CDH16: variants seen among roughly 807,000 people sequenced by gnomAD.
The protein encoded by CDH16 is cadherin-16.
CDH16 carries 79 observed loss-of-function variants against 87.6 expected under a neutral mutation model. The ratio of observed to expected loss-of-function variants is 0.90; its 90% confidence interval spans 0.75 to 1.09. The LOEUF (loss-of-function observed/expected upper bound fraction) is 1.09. Among genes scored for constraint, CDH16 ranks in the 50% least tolerant of loss-of-function variants. The probability of loss-of-function intolerance (pLI) is 0.00; values close to 1 mark genes in which losing one functional copy is unlikely to be tolerated. For synonymous variants in CDH16, 457 were observed against 439.5 expected (o/e 1.04, Z -0.50); for missense variants, 1,124 against 1,071.7 (o/e 1.05, Z -0.68).
chr16:66,913,545 A>G lies in CDH16; in HGVS notation c.849T>C (p.Asn283=), dbSNP rs146486731. Residue 283 remains asparagine, a synonymous_variant, in exon 8 of 18, where the codon AAT becomes AAC. Transcript: ENST00000299752. Reference sequence around the variant, plus strand: ...TGGTCACGTAGAGGTTTCCCTCTGCATTCACTTCAAAGGGTCCCGGGGGAT... The same window carrying G: ...TGGTCACGTAGAGGTTTCCCTCTGCGTTCACTTCAAAGGGTCCCGGGGGAT... ...ESHPPGPFEV[N]AEGNLYVTRE... 1.9e-4 allele frequency: 306 copies of G among 1,614,076 alleles called. 1 individual carries two copies. The highest frequency in any genetic ancestry group is 8.3e-4 in the Middle Eastern group (5 of 6,060).
chr16:66,916,399 G>A lies in CDH16; in HGVS notation c.160C>T (p.Gln54Ter). 1 of 1,611,228 alleles carries A rather than the reference G, an allele frequency of 6.2e-7. No individual in the cohort carries two copies. Among genetic ancestry groups the A allele is most frequent in the African/African-American group, 1.3e-5 (1 of 74,994 alleles). ...CCTGAGTCCCCTGACAGCACGATCT[G>A]GCCTTCAGCCCCCTCACGGGGCAGC... ...LPLPREGAEG[Q>*]IVLSGDSGKA... Residue 54 changes from glutamine to a stop codon, truncating the protein, a stop_gained, in exon 4 of 18, where the codon CAG becomes TAG. Coordinates refer to ENST00000299752, the MANE Select transcript of CDH16 (RefSeq NM_004062.4). LOFTEE classifies it high-confidence loss of function. The surrounding 1 kb of genome is among the most constrained non-coding windows in gnomAD (Gnocchi z 4.1).
rs773157070 is a variant in CDH16, at chr16:66,912,045, G to A, written c.1644C>T (p.Thr548=). The A allele has an allele frequency of 2.0e-5, 33 of 1,613,976 alleles. No homozygotes were observed. The highest frequency in any genetic ancestry group is 6.6e-5 in the South Asian group (6 of 91,084). ...TCTCCACTAGCACAGTCACCGTGGC[G>A]GTGGCTCCAGGGCCTGGGCCTGGCC... The part of the protein sequence containing the change: ...LVGPGPGPGA[T]ATVTVLVERV... The change falls in exon 13 of 18, where the codon ACC becomes ACT. Residue 548 remains threonine (T), a synonymous_variant. Transcript: ENST00000299752.
At chr16:66,908,947 A>T (rs1015676651) in intron 17 of CDH16, among the ~76,000 whole-genome samples, 1 of 152,220 alleles carries the variant, frequency 6.6e-6, no homozygotes, top group Non-Finnish European at 1.5e-5. Flanking sequence ...ACCTTGGACC[A>T]GTCACTTAAC....
intron 2 of CDH16, 53 bp from the exon 3 acceptor site, chr16:66,917,778 T>G: frequency 6.8e-7 from 1 of 1,473,308 alleles, no homozygotes; most frequent in Non-Finnish European, 9.4e-7. Context: ...GCGTGGGCAC[T>G]GAGACCCAAC....
intron 5 of CDH16, among the ~76,000 whole-genome samples, chr16:66,915,657 C>G (rs566500627): frequency 2.0e-5 from 3 of 152,292 alleles, no homozygotes; most frequent in African/African-American, 7.2e-5. Context: ...CTTTGGGAGG[C>G]TGAGGCAGGC....
In CDH16 at chr16:66,913,556, A is replaced by G; in HGVS notation, c.838T>C (p.Phe280Leu). 1 of 1,614,052 alleles carries G rather than the reference A, an allele frequency of 6.2e-7. No homozygotes were observed. Among genetic ancestry groups the G allele is most frequent in the Non-Finnish European group, 8.5e-7 (1 of 1,179,990 alleles). Residue 280 changes from phenylalanine to leucine, a missense_variant, in exon 8 of 18, where the codon TTT (phenylalanine) becomes CTT (leucine). By Grantham distance (22) the Phe-to-Leu change is conservative (BLOSUM62 0). Coordinates refer to ENST00000299752, the MANE Select transcript of CDH16 (RefSeq NM_004062.4). ...AGGTTTCCCTCTGCATTCACTTCAA[A>G]GGGTCCCGGGGGATGGCTCTCCAGG... The part of the protein sequence containing the change: ...YHLESHPPGP[F>L]EVNAEGNLYV...
Position 66,912,737 on chromosome 16 carries a change from C to A in CDH16, c.1209G>T (p.Gly403=). 1 of 1,613,782 alleles carries A rather than the reference C, an allele frequency of 6.2e-7. No homozygotes were observed. The highest frequency in any genetic ancestry group is 8.5e-7 in the Non-Finnish European group (1 of 1,180,022). Residue 403 remains glycine, a synonymous_variant, in exon 10 of 18, where the codon GGG becomes GGT. Coordinates refer to ENST00000299752, the MANE Select transcript of CDH16 (RefSeq NM_004062.4). The stretch of plus-strand genomic sequence containing the variant: ...TCTGGCCTGCTCGGAGTGGGAGCAC[C>A]CCCAGCGTCACACTGCCTGAAGTGG... ...VDPTSGSVTL[G]VLPLRAGQNI... is the part of the protein sequence containing the mutation.
At chr16:66,917,418 A>G (rs1386033671) in intron 3 of CDH16, among the ~76,000 whole-genome samples, 4 of 152,214 alleles carry the variant, frequency 2.6e-5, no homozygotes, top group Non-Finnish European at 5.9e-5. Context: ...CATGATATAT[A>G]TGCAAATATT....
rs542475497 is a variant in CDH16, at chr16:66,917,618, C to A, written c.129+24G>T. 11 of 1,588,544 alleles carry A rather than the reference C, an allele frequency of 6.9e-6. No homozygotes were observed. In the African/African-American group the frequency reaches 1.5e-4, roughly 21 times the overall value. On this transcript the variant is annotated intron_variant, in intron 3 of 17. Transcript: ENST00000299752. Reference sequence around the variant, plus strand: ...CTTTGCGGGGAGGGATCCCCCCGGCCCCAACCCCAGCTCTCCGGCTCACCT... The same window carrying A: ...CTTTGCGGGGAGGGATCCCCCCGGCACCAACCCCAGCTCTCCGGCTCACCT...
Position 66,912,547 on chromosome 16 carries a change from A to G in CDH16, c.1316T>C (p.Val439Ala). The G allele has an allele frequency of 3.1e-6, 5 of 1,614,076 alleles. No homozygotes were observed. The highest frequency in any genetic ancestry group is 4.2e-6 in the Non-Finnish European group (5 of 1,180,014). The change falls in exon 11 of 18, where the codon GTC (valine) becomes GCC (alanine). Residue 439 changes from valine (V) to alanine (A), a missense_variant. By Grantham distance (64) the Val-to-Ala change is moderately conservative. Coordinates refer to ENST00000299752, the MANE Select transcript of CDH16 (RefSeq NM_004062.4). The part of the protein sequence containing the change: ...FSSTCEVEVA[V>A]TDINDHAPEF... ...AGGGGCGTGATCATTGATATCTGTG[A>G]CTGCGACTTCGACTTCACACGTGCT...
chr16:66,913,561 C>G lies in CDH16; in HGVS notation c.833G>C (p.Gly278Ala), dbSNP rs775105850. 5.0e-6 allele frequency: 8 copies of G among 1,614,118 alleles called. No homozygotes were observed. The highest frequency in any genetic ancestry group is 6.8e-6 in the Non-Finnish European group (8 of 1,179,984). ...TCCCTCTGCATTCACTTCAAAGGGTCCCGGGGGATGGCTCTCCAGGTGATA... is the reference window on the plus strand; with the variant it reads ...TCCCTCTGCATTCACTTCAAAGGGTGCCGGGGGATGGCTCTCCAGGTGATA... ...VHYHLESHPP[G>A]PFEVNAEGNL... Residue 278 changes from glycine to alanine, a missense_variant, in exon 8 of 18, where the codon GGA becomes GCA. Physicochemically the swap from Gly to Ala is moderately conservative, Grantham distance 60. Coordinates refer to ENST00000299752, the MANE Select transcript of CDH16 (RefSeq NM_004062.4).
At position 66,909,371 on chromosome 16, in the gene CDH16, C is replaced by T. The variant is rs759213070; in HGVS notation, c.2288G>A (p.Arg763His). Residue 763 changes from arginine to histidine, a missense_variant, in exon 17 of 18, where the codon CGC becomes CAC. Physicochemically the swap from Arg to His is conservative, Grantham distance 29 (BLOSUM62 0). Coordinates refer to ENST00000299752, the MANE Select transcript of CDH16 (RefSeq NM_004062.4). This position sits in a 1 kb window ranked among gnomAD's most constrained non-coding sequence, Gnocchi z 4.1. ...WQLLVRVIVCRCNVEGQCMRK... is the reference protein window; with the variant it reads ...WQLLVRVIVCHCNVEGQCMRK... ...CATGCACTGCCCCTCCACGTTGCAG[C>T]GACACACGATCACTGAGGGGAGAGG... 9 of 1,610,172 alleles carry T rather than the reference C, an allele frequency of 5.6e-6. No homozygotes were observed. The highest frequency in any genetic ancestry group is 7.6e-6 in the Non-Finnish European group (9 of 1,178,262).
Position 66,918,001 on chromosome 16 carries a change from G to T in CDH16, c.45+20C>A. 1 of 1,563,468 alleles carries T rather than the reference G, an allele frequency of 6.4e-7. No homozygotes were observed. The highest frequency in any genetic ancestry group is 8.7e-7 in the Non-Finnish European group (1 of 1,153,744). Reference sequence around the variant, plus strand: ...CCCCAAAGCCAAGACCTGAAGGAGAGGGGGCAGGGCCTAGCTCACCTGGGG... The same window carrying T: ...CCCCAAAGCCAAGACCTGAAGGAGATGGGGCAGGGCCTAGCTCACCTGGGG... On this transcript the variant is annotated intron_variant, in intron 2 of 17. Coordinates refer to ENST00000299752, the MANE Select transcript of CDH16 (RefSeq NM_004062.4).
Position 66,912,428 on chromosome 16 carries a change from A to C in CDH16, c.1362T>G (p.Ile454Met). Residue 454 changes from isoleucine to methionine, a missense_variant and splice_region_variant, in exon 12 of 18, where the codon ATT (isoleucine) becomes ATG (methionine). Transcript: ENST00000299752. ...CATCCTCAGGGAGGCTTATAGGCCC[A>C]ATCTGGAGGAGGAGGAGGGATGGTG... ...DHAPEFITSQ[I>M]GPISLPEDVE... 6.2e-7 allele frequency: 1 copy of C among 1,613,928 alleles called. No homozygotes were observed. The highest frequency in any genetic ancestry group is 8.5e-7 in the Non-Finnish European group (1 of 1,179,842).
chr16:66,911,022 C>A, intron 14 of CDH16, 160 bp downstream of exon 14: 1 of 638,526 alleles, frequency 1.6e-6, no homozygotes, highest in African/African-American at 1.8e-5. Context: ...GGAGTAGATC[C>A]ATTCTCAGAG....
intron 13 of CDH16, among the ~76,000 whole-genome samples, chr16:66,911,698 A>T (rs1962423240): frequency 6.6e-6 from 1 of 152,184 alleles, no homozygotes; most frequent in African/African-American, 2.4e-5. Context: ...CTGAGCTCTC[A>T]TGGGGTCCAA....
chr16:66,909,903 T>G lies in CDH16; in HGVS notation c.2275+83A>C. On this transcript the variant is annotated intron_variant, in intron 16 of 17. Transcript: ENST00000299752. The surrounding 1 kb of genome is among the most constrained non-coding windows in gnomAD (Gnocchi z 4.1). ...GCATGTGCTGTCCACATGAGCAGCC[T>G]GTATGCATGTGTACCAGCTCCCTCC... 1 of 968,450 alleles carries G rather than the reference T, an allele frequency of 1.0e-6. No homozygotes were observed. The highest frequency in any genetic ancestry group is 1.6e-6 in the Non-Finnish European group (1 of 626,590). The allele number at this position is 968,450 out of a possible 1,614,324, so 60.0% of individuals were successfully genotyped here. A position where few individuals can be genotyped will look rare whatever the true frequency, so the allele number is the denominator to read the frequency against.
chr16:66,910,381 A>G lies in CDH16; in HGVS notation c.2046T>C (p.His682=). 6.2e-7 allele frequency: 1 copy of G among 1,613,664 alleles called. No homozygotes were observed. Among genetic ancestry groups the G allele is most frequent in the Non-Finnish European group, 8.5e-7 (1 of 1,179,804 alleles). ...TGCTGGGTCCACTCACGATCAAGCC[A>G]TGGTCTTGGCGGGGTGTGCAGAGGT... ...SQYLCTPRQD[H]GLIVSGPSKD... is the part of the protein sequence containing the mutation. Residue 682 remains histidine (H), a synonymous_variant, in exon 15 of 18, where the codon CAT becomes CAC. Coordinates refer to ENST00000299752, the MANE Select transcript of CDH16 (RefSeq NM_004062.4).
rs967949132 is a variant in CDH16, at chr16:66,912,442, G to C, written c.1360-12C>G. ...CTTATAGGCCCAATCTGGAGGAGGAGGAGGGATGGTGAGCCCCCCACCAGC... is the reference window on the plus strand; with the variant it reads ...CTTATAGGCCCAATCTGGAGGAGGACGAGGGATGGTGAGCCCCCCACCAGC... On this transcript the variant is annotated splice_polypyrimidine_tract_variant and intron_variant, in intron 11 of 17. Transcript: ENST00000299752. 2 of 1,614,066 alleles carry C rather than the reference G, an allele frequency of 1.2e-6. No homozygotes were observed. The highest frequency in any genetic ancestry group is 1.7e-6 in the Non-Finnish European group (2 of 1,179,902).
Sources: allele counts gnomAD v4.1 joint callset (sites outside exome capture counted in the v4.1 genomes callset), GRCh38; gene constraint gnomAD v4.1.1; non-coding constraint Gnocchi (gnomAD v3.1); transcripts MANE v1.5; gene names NCBI Gene and HGNC (gene_info 2026-07-23, HGNC 2026-07-21).